CAPZA2: variants seen among roughly 807,000 people sequenced by gnomAD.
CAPZA2 encodes the protein F-actin-capping protein subunit alpha-2.
CAPZA2 carries 13 observed loss-of-function variants against 44.0 expected under a neutral mutation model. The ratio of observed to expected loss-of-function variants is 0.30; its 90% CI spans 0.19 to 0.47. The LOEUF is 0.47. Ranked by LOEUF, CAPZA2 falls within the 20% of genes least tolerant of loss-of-function variation. The pLI, the probability that CAPZA2 is intolerant of heterozygous loss-of-function variation, is 1.00. For missense variants in CAPZA2, 244 were observed against 338.6 expected, an observed-to-expected ratio of 0.72 and a Z score of 2.19; for synonymous variants, 94 against 108.2, an observed-to-expected ratio of 0.87 and a Z score of 0.81.
chr7:116,873,070 A>G (rs528409035), intron 1 of CAPZA2, among the ~76,000 whole-genome samples: 33 of 152,194 alleles, frequency 2.2e-4, no homozygotes, highest in African/African-American at 7.7e-4. Flanking sequence ...TCCTACCCTA[A>G]TGTCTCCTTC....
chr7:116,867,359 G>A (rs1298456901), intron 1 of CAPZA2, among the ~76,000 whole-genome samples: 1 of 152,106 alleles, frequency 6.6e-6, no homozygotes, highest in Non-Finnish European at 1.5e-5. Context: ...CCTGTTTCCT[G>A]TATCTAAGCC....
At chr7:116,885,719 G>A (rs1796753405) in intron 1 of CAPZA2, among the ~76,000 whole-genome samples, 1 of 152,162 alleles carries the variant, frequency 6.6e-6, no homozygotes, top group Admixed American at 6.5e-5. Context: ...GGATACAGAT[G>A]AAGAGATGCA....
At chr7:116,866,178 C>T (rs1796479585) in intron 1 of CAPZA2, among the ~76,000 whole-genome samples, 1 of 151,812 alleles carries the variant, frequency 6.6e-6, no homozygotes, top group Admixed American at 6.6e-5. Context: ...TATAGTGTGT[C>T]CCATAGACTT....
chr7:116,916,011 G>C (rs890046822), intron 8 of CAPZA2, 49 bp from the exon 9 acceptor site: 3 of 1,201,424 alleles, frequency 2.5e-6, no homozygotes, highest in Non-Finnish European at 3.4e-6. Flanking sequence ...TAAAATAATA[G>C]TGGTTTAGTT....
At chr7:116,866,208 C>T (rs1463978363) in intron 1 of CAPZA2, among the ~76,000 whole-genome samples, 11 of 145,710 alleles carry the variant, frequency 7.5e-5, no homozygotes, top group Non-Finnish European at 1.6e-4. Context: ...TTTTTTGAGA[C>T]GGAGTCTCGC....
intron 1 of CAPZA2, among the ~76,000 whole-genome samples, chr7:116,881,622 C>T (rs1456137002): frequency 6.6e-6 from 1 of 151,442 alleles, no homozygotes; most frequent in African/African-American, 2.4e-5. Flanking sequence ...GCCTGTAGTC[C>T]CAGCTACTTG....
At chr7:116,864,356 T>G (rs756857697) in intron 1 of CAPZA2, among the ~76,000 whole-genome samples, 3 of 152,170 alleles carry the variant, frequency 2.0e-5, no homozygotes, top group African/African-American at 7.2e-5. Flanking sequence ...GATGCCTTAT[T>G]ATCTGGCACT....
At chr7:116,864,718 T>C (rs1796459042) in intron 1 of CAPZA2, among the ~76,000 whole-genome samples, 1 of 152,092 alleles carries the variant, frequency 6.6e-6, no homozygotes, top group Admixed American at 6.6e-5. Context: ...TATTACTCGT[T>C]CTACTGCCTT....
At chr7:116,915,235 G>A (rs1042322382) in intron 8 of CAPZA2, among the ~76,000 whole-genome samples, 1 of 151,786 alleles carries the variant, frequency 6.6e-6, no homozygotes, top group African/African-American at 2.4e-5. Context: ...CCTGGGAGGC[G>A]GAGATTACAG....
intron 8 of CAPZA2, among the ~76,000 whole-genome samples, chr7:116,913,024 G>T (rs564713751): frequency 6.6e-6 from 1 of 151,986 alleles, no homozygotes; most frequent in Non-Finnish European, 1.5e-5. Context: ...ACATTTTCTT[G>T]ATGCTAATGA....
intron 8 of CAPZA2, 120 bp downstream of exon 8, chr7:116,912,260 A>G: frequency 6.9e-7 from 1 of 1,447,706 alleles, no homozygotes; most frequent in South Asian, 1.4e-5. Flanking sequence ...TGATAGATTA[A>G]AGATAAGTAA....
intron 5 of CAPZA2, among the ~76,000 whole-genome samples, chr7:116,905,669 G>A (rs962617356): frequency 3.3e-5 from 5 of 152,138 alleles, no homozygotes; most frequent in South Asian, 4.1e-4. Flanking sequence ...GAGGAATAAC[G>A]AGAGTTAAGG....
intron 4 of CAPZA2, among the ~76,000 whole-genome samples, chr7:116,899,660 G>GT (rs11402389): frequency 0.96 from 136,807 of 142,500 alleles, 65,658 homozygotes; most frequent in East Asian, 1. Flanking sequence ...GAAGATTTGG[G>GT]TTTTTTTTTT....
intron 8 of CAPZA2, among the ~76,000 whole-genome samples, chr7:116,915,007 G>A (rs1791660432): frequency 6.6e-6 from 1 of 152,164 alleles, no homozygotes; most frequent in African/African-American, 2.4e-5. Flanking sequence ...GATGGGTGCG[G>A]TGGCTCACGT....
At chr7:116,871,949 C>T (rs998777770) in intron 1 of CAPZA2, among the ~76,000 whole-genome samples, 11 of 152,120 alleles carry the variant, frequency 7.2e-5, no homozygotes, top group African/African-American at 2.2e-4. Flanking sequence ...CGCACAGGCT[C>T]CTCTTGTGGG....
chr7:116,910,179 T>C, intron 6 of CAPZA2, 54 bp from the exon 7 acceptor site: 2 of 938,098 alleles, frequency 2.1e-6, no homozygotes, highest in South Asian at 1.3e-5. Context: ...AAACTTAAAA[T>C]TGATTCAAAT....
At chr7:116,913,338 G>C (rs187468132) in intron 8 of CAPZA2, among the ~76,000 whole-genome samples, 53 of 151,976 alleles carry the variant, frequency 3.5e-4, no homozygotes, top group East Asian at 2.9e-3. Flanking sequence ...GTCTACCCAA[G>C]GTCGTGGAGA....
At chr7:116,893,956 C>A (rs900288665) in intron 3 of CAPZA2, among the ~76,000 whole-genome samples, 9 of 152,146 alleles carry the variant, frequency 5.9e-5, no homozygotes, top group African/African-American at 2.2e-4. Context: ...TTTAGGCTTA[C>A]CGATTCTACT....
intron 4 of CAPZA2, among the ~76,000 whole-genome samples, chr7:116,903,076 A>C (rs1797016574): frequency 6.6e-6 from 1 of 152,254 alleles, no homozygotes; most frequent in Non-Finnish European, 1.5e-5. Context: ...AGAAATAAAG[A>C]GATGGCACAT....
Sources: allele counts gnomAD v4.1 joint callset (sites outside exome capture counted in the v4.1 genomes callset), GRCh38; gene constraint gnomAD v4.1.1; transcripts MANE v1.5; gene names NCBI Gene and HGNC (gene_info 2026-07-23, HGNC 2026-07-21).